Variants in EHBP1 observed in about 807,000 individuals in gnomAD.
EHBP1 encodes the protein EH domain binding protein 1.
EHBP1 carries 55 observed loss-of-function variants against 144.0 expected under a neutral mutation model. The observed-to-expected ratio is 0.38, with a 90% CI of 0.31 to 0.48. EHBP1 has a LOEUF of 0.48. Ranked by LOEUF, EHBP1 falls within the 20% of genes least tolerant of loss-of-function variation. The pLI, the probability that EHBP1 is intolerant of heterozygous loss-of-function variation, is 0.98. For synonymous variants in EHBP1, 469 were observed against 472.7 expected, an observed-to-expected ratio of 0.99 and a Z score of 0.10; for missense variants, 1,200 against 1,364.2, an observed-to-expected ratio of 0.88 and a Z score of 1.90.
intron 10 of EHBP1, among the ~76,000 whole-genome samples, chr2:62,902,407 A>G (rs1261765578): frequency 6.6e-6 from 1 of 152,186 alleles, no homozygotes; most frequent in Non-Finnish European, 1.5e-5. Context: ...AATAGTCCAG[A>G]ATACCTCTGT....
At chr2:62,681,385 A>T (rs1326317131) in intron 1 of EHBP1, among the ~76,000 whole-genome samples, 6 of 132,808 alleles carry the variant, frequency 4.5e-5, no homozygotes, top group Admixed American at 7.6e-5. Context: ...ATAAATATAT[A>T]ATGTGTATAT....
chr2:62,914,445 C>A (rs942089593), intron 10 of EHBP1, among the ~76,000 whole-genome samples: 1 of 151,922 alleles, frequency 6.6e-6, no homozygotes, highest in Non-Finnish European at 1.5e-5. Flanking sequence ...TTCAAAAATA[C>A]GTGAATATAA....
intron 10 of EHBP1, among the ~76,000 whole-genome samples, chr2:62,905,362 T>G (rs1220163461): frequency 6.6e-6 from 1 of 152,144 alleles, no homozygotes; most frequent in Non-Finnish European, 1.5e-5. Context: ...AGTGGGCAAG[T>G]GTGGCTGCAG....
intron 5 of EHBP1, among the ~76,000 whole-genome samples, chr2:62,804,741 A>G (rs1453788634): frequency 6.6e-6 from 1 of 152,168 alleles, no homozygotes; most frequent in African/African-American, 2.4e-5. Flanking sequence ...CCTGTTAGGA[A>G]CCAGGCTGCA....
intron 5 of EHBP1, among the ~76,000 whole-genome samples, chr2:62,824,479 T>C (rs931379531): frequency 6.6e-6 from 1 of 152,024 alleles, no homozygotes; most frequent in African/African-American, 2.4e-5. Flanking sequence ...GTCAGAACCT[T>C]GAACCTTAAT....
At chr2:62,704,594 T>C (rs1201847763), upstream of EHBP1, among the ~76,000 whole-genome samples, 1 of 152,214 alleles carries the variant, frequency 6.6e-6, no homozygotes, top group Non-Finnish European at 1.5e-5. Context: ...CCAAACTGTC[T>C]GCCCATAGCT....
chr2:62,960,047 G>T (rs1216903899), intron 14 of EHBP1, among the ~76,000 whole-genome samples: 3 of 152,078 alleles, frequency 2.0e-5, no homozygotes, highest in African/African-American at 7.2e-5. Context: ...TTCAGAAAAG[G>T]GTTAAAGGAT....
chr2:62,849,987 A>G (rs952863578), intron 7 of EHBP1, among the ~76,000 whole-genome samples: 6 of 152,156 alleles, frequency 3.9e-5, no homozygotes, highest in Admixed American at 3.9e-4. Flanking sequence ...GAACAGATTT[A>G]GGGGAAAAAT....
At chr2:62,765,177 G>C (rs1325691343) in intron 4 of EHBP1, among the ~76,000 whole-genome samples, 1 of 151,968 alleles carries the variant, frequency 6.6e-6, no homozygotes, top group Non-Finnish European at 1.5e-5. Context: ...TCAGTAATAT[G>C]GTTAATTATG....
intron 5 of EHBP1, among the ~76,000 whole-genome samples, chr2:62,801,911 T>A (rs2044020619): frequency 6.6e-6 from 1 of 152,226 alleles, no homozygotes; most frequent in Non-Finnish European, 1.5e-5. Flanking sequence ...TAGTGTGCAT[T>A]GGACTCATCT....
At chr2:62,922,418 A>G (rs2055160891) in intron 10 of EHBP1, among the ~76,000 whole-genome samples, 1 of 152,182 alleles carries the variant, frequency 6.6e-6, no homozygotes, top group South Asian at 2.1e-4. Flanking sequence ...ATGGGTGAAA[A>G]CACGTGATCT....
At chr2:62,852,998 A>G (rs1050787722) in intron 7 of EHBP1, among the ~76,000 whole-genome samples, 5 of 152,184 alleles carry the variant, frequency 3.3e-5, no homozygotes, top group Admixed American at 6.5e-5. Flanking sequence ...TCTGTTTTCT[A>G]TGGTTTACTT....
At chr2:62,764,710 G>T (rs564526809) in intron 4 of EHBP1, among the ~76,000 whole-genome samples, 1 of 152,084 alleles carries the variant, frequency 6.6e-6, no homozygotes, top group East Asian at 1.9e-4. Context: ...TTTGATAAAA[G>T]AATGCTTTAA....
At chr2:62,801,630 T>G (rs537805897) in intron 5 of EHBP1, among the ~76,000 whole-genome samples, 2 of 152,358 alleles carry the variant, frequency 1.3e-5, no homozygotes, top group South Asian at 4.1e-4. Flanking sequence ...ATACAACTCT[T>G]AGTAAATTTA....
At chr2:62,755,401 T>C (rs903380998) in intron 3 of EHBP1, among the ~76,000 whole-genome samples, 1 of 152,006 alleles carries the variant, frequency 6.6e-6, no homozygotes, top group African/African-American at 2.4e-5. Flanking sequence ...CTTCCTGTGT[T>C]GATGAACATT....
intron 14 of EHBP1, among the ~76,000 whole-genome samples, chr2:62,976,621 A>G (rs1489066442): frequency 2.6e-5 from 4 of 152,076 alleles, no homozygotes; most frequent in Non-Finnish European, 2.9e-5. Flanking sequence ...TTATGTACGT[A>G]TAGATAGATG....
chr2:62,726,160 A>G (rs1192567854), intron 2 of EHBP1, among the ~76,000 whole-genome samples: 2 of 152,132 alleles, frequency 1.3e-5, no homozygotes, highest in East Asian at 1.9e-4. Context: ...CCTATTACAG[A>G]TGCTCCTTCA....
chr2:63,000,135 G>A (rs1229809924), intron 19 of EHBP1, among the ~76,000 whole-genome samples: 1 of 152,164 alleles, frequency 6.6e-6, no homozygotes, highest in Non-Finnish European at 1.5e-5. Context: ...GGCCCAGATT[G>A]CTGGGCATTT....
intron 2 of EHBP1, among the ~76,000 whole-genome samples, chr2:62,713,774 A>G (rs2035391905): frequency 6.6e-6 from 1 of 152,236 alleles, no homozygotes; most frequent in Non-Finnish European, 1.5e-5. Context: ...AAGGCATATG[A>G]TTTTAGCAAA....
Sources: gnomAD v4.1 joint callset for allele counts (sites outside exome capture counted in the v4.1 genomes callset) on GRCh38, gnomAD v4.1.1 for gene constraint, MANE v1.5 for transcripts, NCBI Gene and HGNC (gene_info 2026-07-23, HGNC 2026-07-21) for gene names.